Variants in TSKU observed in about 807,000 individuals in gnomAD.
TSKU encodes the protein tsukushi, small leucine rich proteoglycan.
TSKU carries 4 observed loss-of-function variants against 11.2 expected under a neutral mutation model. The observed-to-expected ratio is 0.36, with a 90% confidence interval of 0.18 to 0.82. TSKU has a LOEUF of 0.82. Ranked by LOEUF, TSKU falls within the 40% of genes least tolerant of loss-of-function variation. The probability of loss-of-function intolerance (pLI) is 0.50; values close to 1 mark genes in which losing one functional copy is unlikely to be tolerated. For synonymous variants in TSKU, 220 were observed against 232.2 expected (o/e 0.95, Z 0.48); for missense variants, 407 against 482.5 (o/e 0.84, Z 1.47).
chr11:76,792,978 T>G (rs61302956), intron 1 of TSKU, among the ~76,000 whole-genome samples: 13,014 of 152,286 alleles, frequency 0.085, 1,012 homozygotes, highest in African/African-American at 0.22. Context: ...AGAGTGACTG[T>G]GCGGACTAAA....
intron 1 of TSKU, among the ~76,000 whole-genome samples, chr11:76,785,174 T>G (rs1944299602): frequency 6.6e-6 from 1 of 152,212 alleles, no homozygotes; most frequent in Admixed American, 6.5e-5. Flanking sequence ...AGCTGATAAA[T>G]GAGTCAAAAA....
intron 1 of TSKU, 31 bp from the exon 2 acceptor site, chr11:76,795,578 A>C: frequency 2.5e-6 from 4 of 1,591,182 alleles, no homozygotes; most frequent in Non-Finnish European, 3.4e-6. Context: ...CATCTGGTGC[A>C]TTCATTCCTC....
intron 1 of TSKU, among the ~76,000 whole-genome samples, chr11:76,784,556 G>C (rs1166864385): frequency 6.6e-6 from 1 of 152,234 alleles, no homozygotes; most frequent in Non-Finnish European, 1.5e-5. Flanking sequence ...CACGGACAGG[G>C]CGAGAACTCC....
At chr11:76,791,132 T>G (rs1392736219) in intron 1 of TSKU, among the ~76,000 whole-genome samples, 2 of 152,172 alleles carry the variant, frequency 1.3e-5, no homozygotes, top group East Asian at 3.9e-4. Flanking sequence ...AACTTTGAAC[T>G]TGAGAGCAAT....
In TSKU at chr11:76,796,099, C is replaced by T. The variant is rs201655392; in HGVS notation, c.483C>T (p.His161=). Residue 161 remains histidine, a synonymous_variant, in exon 2 of 2, where the codon CAC becomes CAT. Coordinates refer to ENST00000333090, the MANE Select transcript of TSKU (RefSeq NM_015516.4). This position sits in a 1 kb window ranked among gnomAD's most constrained non-coding sequence, Gnocchi z 4.1. The part of the protein sequence containing the change: ...FTTHSQGRAL[H]VDLSHNLIHR... ...CGCACAGTCAGGGCCGGGCACTACA[C>T]GTGGACCTCTCCCACAACCTCATTC... 1.3e-5 allele frequency: 21 copies of T among 1,614,078 alleles called. No homozygotes were observed. The East Asian group carries it at 2.7e-4, about 21-fold the overall frequency.
Position 76,796,856 on chromosome 11 carries a change from A to C in TSKU, c.*178A>C. On this transcript the variant is annotated 3_prime_UTR_variant, in exon 2 of 2. Transcript: ENST00000333090. This position sits in a 1 kb window ranked among gnomAD's most constrained non-coding sequence, Gnocchi z 4.1. ...GGACCTGGGAGCCACACCTAGGAGC[A>C]AAGTCTCACCCCTTTGTCTACGTTG... 1 of 458,066 alleles carries C rather than the reference A, an allele frequency of 2.2e-6. No individual in the cohort carries two copies. The highest frequency in any genetic ancestry group is 3.8e-6 in the Non-Finnish European group (1 of 259,838). The allele number at this position is 458,066 out of a possible 1,614,324, so 28.4% of individuals were successfully genotyped here.
Position 76,795,701 on chromosome 11 carries a change from G to A in TSKU, c.85G>A (p.Glu29Lys), listed in dbSNP as rs543552034. 6.2e-7 allele frequency: 1 copy of A among 1,614,176 alleles called. No homozygotes were observed. Among genetic ancestry groups the A allele is most frequent in the East Asian group, 2.2e-5 (1 of 44,886 alleles). The change falls in exon 2 of 2, where the codon GAG becomes AAG. Residue 29 changes from glutamate to lysine, a missense_variant. Physicochemically the swap from Glu to Lys is moderately conservative, Grantham distance 56. Coordinates refer to ENST00000333090, the MANE Select transcript of TSKU (RefSeq NM_015516.4). Reference sequence around the variant, plus strand: ...CTTCCCCGGGTGCCAATGCGAGGTGGAGACCTTCGGCCTTTTCGACAGCTT... The same window carrying A: ...CTTCCCCGGGTGCCAATGCGAGGTGAAGACCTTCGGCCTTTTCGACAGCTT... ...PCFPGCQCEV[E>K]TFGLFDSFSL...
In TSKU at chr11:76,796,349, C is replaced by G. The variant is rs1944448639; in HGVS notation, c.733C>G (p.Leu245Val). Residue 245 changes from leucine (L) to valine (V), a missense_variant, in exon 2 of 2, where the codon CTG becomes GTG. By Grantham distance (32) the Leu-to-Val change is conservative. Coordinates refer to ENST00000333090, the MANE Select transcript of TSKU (RefSeq NM_015516.4). This position sits in a 1 kb window ranked among gnomAD's most constrained non-coding sequence, Gnocchi z 4.1. ...GGCCAGCCTGCAGAGGCTCCCTGAG[C>G]TGGCGCCCAGTGGCTTCCGTGAGCT... ...SLASLQRLPELAPSGFRELPG... is the reference protein window; with the variant it reads ...SLASLQRLPEVAPSGFRELPG... The G allele has an allele frequency of 6.2e-7, 1 of 1,613,354 alleles. No homozygotes were observed. The highest frequency in any genetic ancestry group is 8.5e-7 in the Non-Finnish European group (1 of 1,180,004).
chr11:76,788,358 G>A (rs1944332612), intron 1 of TSKU, among the ~76,000 whole-genome samples: 1 of 152,120 alleles, frequency 6.6e-6, no homozygotes, highest in Non-Finnish European at 1.5e-5. Context: ...CCAGGGTCAG[G>A]CAGCTGGGGC....
chr11:76,790,157 C>T (rs1371780108), intron 1 of TSKU, among the ~76,000 whole-genome samples: 3 of 152,000 alleles, frequency 2.0e-5, no homozygotes, highest in African/African-American at 7.3e-5. Context: ...TAAACTGAAC[C>T]TCTTACTGTG....
At chr11:76,786,019 T>G (rs767705754) in intron 1 of TSKU, among the ~76,000 whole-genome samples, 1 of 152,266 alleles carries the variant, frequency 6.6e-6, no homozygotes, top group Non-Finnish European at 1.5e-5. Flanking sequence ...TGTATTACAT[T>G]GTGCAGACAT....
Position 76,796,415 on chromosome 11 carries a change from C to T in TSKU, c.799C>T (p.Leu267Phe). The T allele has an allele frequency of 6.2e-7, 1 of 1,613,608 alleles. No individual in the cohort carries two copies. The highest frequency in any genetic ancestry group is 8.5e-7 in the Non-Finnish European group (1 of 1,179,972). The change falls in exon 2 of 2, where the codon CTT becomes TTT. Residue 267 changes from leucine (L) to phenylalanine (F), a missense_variant. Leu to Phe is a conservative substitution (Grantham distance 22). Coordinates refer to ENST00000333090, the MANE Select transcript of TSKU (RefSeq NM_015516.4). The surrounding 1 kb of genome is among the most constrained non-coding windows in gnomAD (Gnocchi z 4.1). ...CCTGGACCTGTCGGGCAACCCCAAG[C>T]TTAACTGGGCAGGAGCTGAGGTGTT... The part of the protein sequence containing the change: ...QVLDLSGNPK[L>F]NWAGAEVFSG...
chr11:76,788,817 A>G (rs1285935093), intron 1 of TSKU, among the ~76,000 whole-genome samples: 2 of 152,172 alleles, frequency 1.3e-5, no homozygotes, highest in Non-Finnish European at 2.9e-5. Flanking sequence ...GGGGGAAAGA[A>G]CACACAGGTA....
chr11:76,788,306 G>A (rs571034816), intron 1 of TSKU, among the ~76,000 whole-genome samples: 1 of 152,118 alleles, frequency 6.6e-6, no homozygotes, highest in South Asian at 2.1e-4. Context: ...GCGGTGGGGG[G>A]AGCTGGAAAA....
At chr11:76,784,402 A>T (rs1169347723) in intron 1 of TSKU, 1 of 152,460 alleles carries the variant, frequency 6.6e-6, no homozygotes, top group Non-Finnish European at 1.5e-5. Context: ...AGATCTGGGC[A>T]TGCCCGAGGC....
chr11:76,793,294 A>G (rs150913046), intron 1 of TSKU, among the ~76,000 whole-genome samples: 57 of 152,386 alleles, frequency 3.7e-4, no homozygotes, highest in African/African-American at 1.4e-3. Context: ...GTGCCTGTGC[A>G]CAGCCCTTCA....
At chr11:76,790,200 G>A (rs1469006656) in intron 1 of TSKU, among the ~76,000 whole-genome samples, 1 of 152,170 alleles carries the variant, frequency 6.6e-6, no homozygotes, top group Non-Finnish European at 1.5e-5. Flanking sequence ...GAAGGGGGAA[G>A]AGACTTGTTC....
intron 1 of TSKU, among the ~76,000 whole-genome samples, chr11:76,794,338 T>G (rs1944413608): frequency 6.6e-6 from 1 of 152,182 alleles, no homozygotes; most frequent in Non-Finnish European, 1.5e-5. Flanking sequence ...GCACCTGGCA[T>G]CTGTAGCAGC....
At chr11:76,784,748 G>GA (rs1416127671) in intron 1 of TSKU, among the ~76,000 whole-genome samples, 1 of 101,854 alleles carries the variant, frequency 9.8e-6, no homozygotes, top group Non-Finnish European at 2.2e-5. Flanking sequence ...ACCGGAGGTG[G>GA]GGGGGGGGGG....
Sources: allele counts gnomAD v4.1 joint callset (sites outside exome capture counted in the v4.1 genomes callset), GRCh38; gene constraint gnomAD v4.1.1; non-coding constraint Gnocchi (gnomAD v3.1); transcripts MANE v1.5; gene names NCBI Gene and HGNC (gene_info 2026-07-23, HGNC 2026-07-21).